The following PCDHA3 variants were observed in gnomAD, a reference collection of about 807,000 sequenced individuals.
PCDHA3 encodes protocadherin alpha-3.
PCDHA3 carries 41 observed loss-of-function variants against 62.2 expected under a neutral mutation model. The observed-to-expected ratio is 0.66, with a 90% CI of 0.51 to 0.86. The LOEUF is 0.86. Ranked by LOEUF, PCDHA3 falls within the 40% of genes least tolerant of loss-of-function variation. The pLI is 0.00. For synonymous variants in PCDHA3, 640 were observed against 555.4 expected, an observed-to-expected ratio of 1.15 and a Z score of -2.14; for missense variants, 1,304 against 1,241.2, an observed-to-expected ratio of 1.05 and a Z score of -0.76.
At chr5:140,836,424 C>G (rs2150260544) in intron 1 of PCDHA3, 1 of 1,613,814 alleles carries the variant, frequency 6.2e-7, no homozygotes, top group Non-Finnish European at 8.5e-7. Context: ...GGCGTCGTCG[C>G]GGGCATCGTT....
At position 140,801,282 on chromosome 5, in the gene PCDHA3, G is replaced by T. The variant is rs782159759; in HGVS notation, c.85G>T (p.Gly29Cys). 6 of 1,613,380 alleles carry T rather than the reference G, an allele frequency of 3.7e-6. No individual in the cohort carries two copies. Among genetic ancestry groups the T allele is most frequent in the African/African-American group, 1.3e-5 (1 of 74,916 alleles). Residue 29 changes from glycine (G) to cysteine (C), a missense_variant, in exon 1 of 4, where the codon GGC becomes TGC. Transcript: ENST00000522353. ...CCTCGCAGCCTCGGAGGTGGGGAGC[G>T]GCCAGCTCCACTACTCCGTCTCTGA... The part of the protein sequence containing the change: ...LLLAASEVGS[G>C]QLHYSVSEEA...
chr5:140,863,407 C>A (rs1343146552), intron 1 of PCDHA3: 4 of 788,794 alleles, frequency 5.1e-6, no homozygotes, highest in African/African-American at 1.7e-5. Flanking sequence ...CAAGCCCACG[C>A]TGGTGTACCG....
intron 1 of PCDHA3, chr5:140,808,636 C>T: frequency 6.2e-7 from 1 of 1,613,522 alleles, no homozygotes; most frequent in Non-Finnish European, 8.5e-7. Flanking sequence ...GGGACGCGGA[C>T]GCGCAGGAGA....
Position 140,856,075 on chromosome 5 carries a change from G to T in PCDHA3, c.2394+52484G>T. 2 of 1,593,334 alleles carry T rather than the reference G, an allele frequency of 1.3e-6. 1 individual carries two copies. The highest frequency in any genetic ancestry group is 1.7e-6 in the Non-Finnish European group (2 of 1,164,466). Reference sequence around the variant, plus strand: ...TGGTTTCCAGATGTAGCTGCCTGGGGGTCCAGTGTCTGCTGCTCTCGCTTC... The same window carrying T: ...TGGTTTCCAGATGTAGCTGCCTGGGTGTCCAGTGTCTGCTGCTCTCGCTTC... On this transcript the variant is annotated intron_variant, in intron 1 of 3. Transcript: ENST00000522353.
At chr5:140,929,484 T>G (rs1445028927) in intron 1 of PCDHA3, 9 of 1,156,262 alleles carry the variant, frequency 7.8e-6, no homozygotes, top group Non-Finnish European at 1.0e-5. Flanking sequence ...AGTATAGAAG[T>G]ATTAGAAGAT....
At chr5:140,927,378 C>T in intron 1 of PCDHA3, 3 of 1,614,110 alleles carry the variant, frequency 1.9e-6, no homozygotes, top group Non-Finnish European at 2.5e-6. Flanking sequence ...TAAGCTACAG[C>T]CTAAGCCCCA....
intron 1 of PCDHA3, chr5:140,882,453 G>C: frequency 1.2e-6 from 2 of 1,614,042 alleles, no homozygotes; most frequent in South Asian, 2.2e-5. Flanking sequence ...CTGGTGCCGC[G>C]CCTGTTCCGG....
chr5:140,827,104 T>A (rs1424454737), intron 1 of PCDHA3, among the ~76,000 whole-genome samples: 1 of 152,180 alleles, frequency 6.6e-6, no homozygotes, highest in Non-Finnish European at 1.5e-5. Flanking sequence ...AGTCAGCATG[T>A]ATAGGTGAAA....
chr5:140,951,321 A>AT (rs2094571430), intron 1 of PCDHA3, among the ~76,000 whole-genome samples: 1 of 152,098 alleles, frequency 6.6e-6, no homozygotes, highest in Non-Finnish European at 1.5e-5. Context: ...TATTCTTGAG[A>AT]TTCATCATTC....
chr5:140,933,833 A>G (rs944428844), intron 1 of PCDHA3, among the ~76,000 whole-genome samples: 1 of 151,928 alleles, frequency 6.6e-6, no homozygotes, highest in East Asian at 1.9e-4. Flanking sequence ...TATTGCTCCT[A>G]TTTCATTCCT....
At chr5:141,008,435 G>C (rs2098377041) in intron 3 of PCDHA3, among the ~76,000 whole-genome samples, 1 of 152,160 alleles carries the variant, frequency 6.6e-6, no homozygotes, top group South Asian at 2.1e-4. Context: ...ACTTTGCCCA[G>C]ACAGACCATT....
In PCDHA3 at chr5:141,012,312, C is replaced by CTGT; in HGVS notation, c.*2377_*2379dup. On this transcript the variant is annotated 3_prime_UTR_variant, in exon 4 of 4. Transcript: ENST00000522353. ...TGAATTGGTGCTATTGGTATTTCCT[C>CTGT]TGTTATTGCTAATAAATGAAAATGG... The CTGT allele has an allele frequency of 6.5e-6, 1 of 153,698 alleles. No individual in the cohort carries two copies. Among genetic ancestry groups the CTGT allele is most frequent in the Middle Eastern group, 3.2e-3 (1 of 316 alleles). 9.5% of individuals were successfully genotyped at this position (153,698 alleles called of 1,614,324 possible).
intron 3 of PCDHA3, among the ~76,000 whole-genome samples, chr5:140,991,634 A>G (rs1261533190): frequency 5.9e-5 from 9 of 152,196 alleles, no homozygotes; most frequent in African/African-American, 1.7e-4. Flanking sequence ...TGTAATAACA[A>G]TCTGTTCATG....
At chr5:140,813,148 A>C (rs2126644102) in intron 1 of PCDHA3, 1 of 152,248 alleles carries the variant, frequency 6.6e-6, no homozygotes, top group African/African-American at 2.4e-5. Flanking sequence ...TATGTCTGTT[A>C]GTTCCATTTC....
intron 1 of PCDHA3, chr5:140,852,877 T>G: frequency 1.1e-6 from 1 of 942,140 alleles, no homozygotes; most frequent in Non-Finnish European, 1.3e-6. Flanking sequence ...TCAATAATCA[T>G]AAAACGTATT....
At chr5:140,882,989 G>A (rs567590369) in intron 1 of PCDHA3, 3 of 1,614,130 alleles carry the variant, frequency 1.9e-6, no homozygotes, top group African/African-American at 1.3e-5. Context: ...CAACGCCCCG[G>A]AATTTTACCA....
intron 1 of PCDHA3, among the ~76,000 whole-genome samples, chr5:140,899,512 G>C (rs4386771): frequency 0.046 from 7,065 of 152,150 alleles, 285 homozygotes; most frequent in African/African-American, 0.11. Flanking sequence ...TGCATATATT[G>C]CATCCCAGGG....
chr5:140,857,754 C>G, intron 1 of PCDHA3: 1 of 1,597,392 alleles, frequency 6.3e-7, no homozygotes, highest in Non-Finnish European at 8.6e-7. Flanking sequence ...GCGTCTCCCG[C>G]TGGCAGCGCG....
At chr5:140,966,973 G>A (rs782189736) in intron 1 of PCDHA3, 9 of 1,602,936 alleles carry the variant, frequency 5.6e-6, no homozygotes, top group African/African-American at 4.0e-5. Flanking sequence ...GGCTTGAGCT[G>A]CGGCGCTTGG....
Sources: allele counts gnomAD v4.1 joint callset (sites outside exome capture counted in the v4.1 genomes callset), GRCh38; gene constraint gnomAD v4.1.1; transcripts MANE v1.5; gene names NCBI Gene and HGNC (gene_info 2026-07-23, HGNC 2026-07-21).